CDC123: variants seen among roughly 807,000 people sequenced by gnomAD.
CDC123 encodes translation initiation factor eIF2 assembly protein.
CDC123 carries 37 observed loss-of-function variants against 54.4 expected under a neutral mutation model. The ratio of observed to expected loss-of-function variants is 0.68; its 90% confidence interval spans 0.52 to 0.89. The LOEUF is 0.89. Ranked by LOEUF, CDC123 falls within the 40% of genes least tolerant of loss-of-function variation. The pLI, the probability that CDC123 is intolerant of heterozygous loss-of-function variation, is 0.00. For synonymous variants in CDC123, 144 were observed against 136.8 expected (o/e 1.05, Z -0.37); for missense variants, 361 against 412.1 (o/e 0.88, Z 1.07).
At chr10:12,209,435 G>T (rs979571056) in intron 2 of CDC123, among the ~76,000 whole-genome samples, 1 of 152,048 alleles carries the variant, frequency 6.6e-6, no homozygotes, top group African/African-American at 2.4e-5. Flanking sequence ...CAGAGTCTCT[G>T]TGTTACCCAG....
At chr10:12,239,795 T>C (rs1836032184) in intron 10 of CDC123, among the ~76,000 whole-genome samples, 2 of 151,150 alleles carry the variant, frequency 1.3e-5, no homozygotes, top group African/African-American at 4.9e-5. Context: ...GATCACGAGG[T>C]CAGGAGATCG....
intron 2 of CDC123, 48 bp from the exon 3 acceptor site, chr10:12,209,919 C>A: frequency 1.3e-6 from 2 of 1,569,364 alleles, no homozygotes; most frequent in Non-Finnish European, 1.8e-6. Context: ...TAGGAGCATG[C>A]GGTGCCCAAG....
chr10:12,218,414 T>C (rs1484894315), intron 6 of CDC123, among the ~76,000 whole-genome samples: 2 of 152,074 alleles, frequency 1.3e-5, no homozygotes, highest in East Asian at 3.9e-4. Context: ...TAATTTTTTA[T>C]ATTTTTAGTA....
In CDC123 at chr10:12,238,448, C is replaced by G. The variant is rs758268340; in HGVS notation, c.689-9C>G. 6.3e-7 allele frequency: 1 copy of G among 1,597,230 alleles called. No homozygotes were observed. The highest frequency in any genetic ancestry group is 1.4e-5 in the African/African-American group (1 of 73,462). ...TTCATTAATAACTGACTTTTTTTCTCCTTTACAGTTGTGTTCGATATATAC... is the reference window on the plus strand; with the variant it reads ...TTCATTAATAACTGACTTTTTTTCTGCTTTACAGTTGTGTTCGATATATAC... On this transcript the variant is annotated splice_polypyrimidine_tract_variant and intron_variant, in intron 9 of 12. Transcript: ENST00000281141.
At chr10:12,220,644 G>A (rs1337052821) in intron 6 of CDC123, among the ~76,000 whole-genome samples, 1 of 152,216 alleles carries the variant, frequency 6.6e-6, no homozygotes, top group Non-Finnish European at 1.5e-5. Flanking sequence ...ATAGAACTCA[G>A]TAAAGATGAA....
At chr10:12,206,882 C>T (rs997594687) in intron 2 of CDC123, among the ~76,000 whole-genome samples, 1 of 150,626 alleles carries the variant, frequency 6.6e-6, no homozygotes, top group Admixed American at 6.7e-5. Flanking sequence ...TGGCCTGAAC[C>T]CGGGAGGTAG....
chr10:12,207,452 TC>T (rs1414124120), intron 2 of CDC123, among the ~76,000 whole-genome samples: 1 of 152,214 alleles, frequency 6.6e-6, no homozygotes, highest in Admixed American at 6.5e-5. Flanking sequence ...GTCCCTTTTT[TC>T]TCTCCTTTTT....
intron 10 of CDC123, among the ~76,000 whole-genome samples, chr10:12,240,206 G>T (rs1836038691): frequency 6.6e-6 from 1 of 152,128 alleles, no homozygotes; most frequent in African/African-American, 2.4e-5. Flanking sequence ...AGAATTACTA[G>T]AGCAGAGATT....
chr10:12,249,577 A>T lies in CDC123; in HGVS notation c.847-4A>T. 2 of 1,609,068 alleles carry T rather than the reference A, an allele frequency of 1.2e-6. No homozygotes were observed. Among genetic ancestry groups the T allele is most frequent in the Admixed American group, 3.4e-5 (2 of 58,222 alleles). ...ATTCTTTCTCCTTTTTCTTCTTTGT[A>T]CAGGATTCCCCAGCTTTCCGTTGCA... On this transcript the variant is annotated splice_polypyrimidine_tract_variant and splice_region_variant and intron_variant, in intron 11 of 12. Coordinates refer to ENST00000281141, the MANE Select transcript of CDC123 (RefSeq NM_006023.3).
At chr10:12,244,306 TA>T (rs1436050585) in intron 10 of CDC123, among the ~76,000 whole-genome samples, 1 of 152,246 alleles carries the variant, frequency 6.6e-6, no homozygotes, top group Non-Finnish European at 1.5e-5. Flanking sequence ...AATTCATTAT[TA>T]ACCAGATGGC....
chr10:12,209,957 G>T lies in CDC123; in HGVS notation c.147-10G>T, dbSNP rs1564434142. On this transcript the variant is annotated splice_polypyrimidine_tract_variant and intron_variant, in intron 2 of 12. Transcript: ENST00000281141. ...CTTTTCTTTCTTGATGTTTGTTTGT[G>T]TTTTTTTAGGGATGATCCACCAACA... The T allele has an allele frequency of 2.5e-6, 4 of 1,613,790 alleles. No individual in the cohort carries two copies. In the South Asian group the frequency reaches 4.4e-5, roughly 18 times the overall value.
intron 6 of CDC123, among the ~76,000 whole-genome samples, chr10:12,230,278 C>T (rs1279999578): frequency 3.3e-5 from 5 of 151,832 alleles, no homozygotes; most frequent in African/African-American, 4.8e-5. Context: ...CTGCATCCTC[C>T]GCCTCACGGT....
At chr10:12,244,270 C>T (rs540999905) in intron 10 of CDC123, among the ~76,000 whole-genome samples, 1 of 152,220 alleles carries the variant, frequency 6.6e-6, no homozygotes, top group East Asian at 1.9e-4. Flanking sequence ...CAGGACATGG[C>T]GGCAACACAT....
chr10:12,206,816 G>C (rs376909663), intron 2 of CDC123, among the ~76,000 whole-genome samples: 1 of 151,992 alleles, frequency 6.6e-6, no homozygotes, highest in Non-Finnish European at 1.5e-5. Flanking sequence ...AAAATTAGCC[G>C]GGTGTGGTGG....
At chr10:12,205,454 C>T (rs1588670095) in intron 2 of CDC123, among the ~76,000 whole-genome samples, 1 of 152,190 alleles carries the variant, frequency 6.6e-6, no homozygotes, top group African/African-American at 2.4e-5. Context: ...AAATCCCAAA[C>T]ACTTTTGACC....
At chr10:12,232,614 T>G (rs949497300) in intron 7 of CDC123, among the ~76,000 whole-genome samples, 3 of 152,122 alleles carry the variant, frequency 2.0e-5, no homozygotes, top group African/African-American at 7.2e-5. Context: ...CTTGTGAGAT[T>G]TTTTCCCCTC....
At chr10:12,227,464 A>G (rs1247932290) in intron 6 of CDC123, among the ~76,000 whole-genome samples, 5 of 151,062 alleles carry the variant, frequency 3.3e-5, no homozygotes, top group African/African-American at 4.9e-5. Context: ...ATTTGGCTCT[A>G]TACTGGATAT....
intron 2 of CDC123, among the ~76,000 whole-genome samples, chr10:12,209,649 C>T (rs185227986): frequency 6.6e-6 from 1 of 152,322 alleles, no homozygotes; most frequent in Admixed American, 6.5e-5. Flanking sequence ...CAGCCTCGAC[C>T]TCCCATGTTC....
intron 6 of CDC123, among the ~76,000 whole-genome samples, chr10:12,224,593 C>A (rs1835780010): frequency 6.6e-6 from 1 of 152,208 alleles, no homozygotes; most frequent in African/African-American, 2.4e-5. Context: ...TATAATTATT[C>A]TGCCAAGAAT....
Sources: gnomAD v4.1 joint callset for allele counts (sites outside exome capture counted in the v4.1 genomes callset) on GRCh38, gnomAD v4.1.1 for gene constraint, MANE v1.5 for transcripts, NCBI Gene and HGNC (gene_info 2026-07-23, HGNC 2026-07-21) for gene names.